Variants in TBC1D32 observed in about 807,000 individuals in gnomAD.
TBC1D32 encodes protein broad-minded.
A neutral mutation model predicts 170.3 loss-of-function variants in TBC1D32; 151 were observed. That is an observed-to-expected ratio of 0.89 (90% CI 0.78 to 1.01). The LOEUF is 1.01. Ranked by LOEUF, TBC1D32 falls within the 50% of genes least tolerant of loss-of-function variation. The pLI is 0.00. For missense variants in TBC1D32, 1,464 were observed against 1,457.1 expected (o/e 1.00, Z -0.08); for synonymous variants, 498 against 488.0 (o/e 1.02, Z -0.27).
chr6:121,226,222 GACTCATA>G (rs2128334217), intron 20 of TBC1D32, among the ~76,000 whole-genome samples: 1 of 152,164 alleles, frequency 6.6e-6, no homozygotes, highest in South Asian at 2.1e-4. Context: ...TGCCCTCAAG[GACTCATA>G]GTATAGTGCA....
intron 25 of TBC1D32, among the ~76,000 whole-genome samples, chr6:121,131,410 C>T (rs561046812): frequency 8.5e-4 from 129 of 151,434 alleles, no homozygotes; most frequent in African/African-American, 2.9e-3. Flanking sequence ...CTCACCAAGA[C>T]TGTTTAGACA....
At chr6:121,315,881 CAT>C (rs1808869764) in intron 3 of TBC1D32, among the ~76,000 whole-genome samples, 1 of 152,124 alleles carries the variant, frequency 6.6e-6, no homozygotes, top group African/African-American at 2.4e-5. Context: ...TTCTGGCACT[CAT>C]ATGTTTCTTC....
intron 24 of TBC1D32, among the ~76,000 whole-genome samples, chr6:121,135,887 C>G (rs1034311916): frequency 6.6e-6 from 1 of 151,938 alleles, no homozygotes; most frequent in Non-Finnish European, 1.5e-5. Flanking sequence ...ATACATCCAC[C>G]CTAACAAAAA....
At chr6:121,213,665 A>AAC (rs1562934723) in intron 21 of TBC1D32, among the ~76,000 whole-genome samples, 1 of 152,142 alleles carries the variant, frequency 6.6e-6, no homozygotes, top group Non-Finnish European at 1.5e-5. Flanking sequence ...AACAAATGGA[A>AAC]ACACATTCGA....
intron 20 of TBC1D32, among the ~76,000 whole-genome samples, chr6:121,231,649 G>C (rs1795754573): frequency 1.3e-5 from 2 of 151,920 alleles, no homozygotes; most frequent in African/African-American, 4.8e-5. Context: ...TTGTGGTTTT[G>C]ATATGGATTT....
chr6:121,180,915 A>T (rs1027613948), intron 22 of TBC1D32, among the ~76,000 whole-genome samples: 6 of 152,306 alleles, frequency 3.9e-5, no homozygotes, highest in African/African-American at 1.2e-4. Context: ...AACCCAATTT[A>T]AAAATGGGCA....
intron 22 of TBC1D32, among the ~76,000 whole-genome samples, chr6:121,161,512 T>A (rs567256868): frequency 7.2e-5 from 11 of 152,234 alleles, no homozygotes; most frequent in Non-Finnish European, 1.2e-4. Context: ...TCCATTCATG[T>A]CCCTGCAAAG....
chr6:121,274,277 G>A (rs748318428), intron 15 of TBC1D32, among the ~76,000 whole-genome samples: 12 of 151,870 alleles, frequency 7.9e-5, no homozygotes, highest in South Asian at 2.1e-4. Flanking sequence ...AGGTTGCAGT[G>A]AGCCAAGATC....
At chr6:121,144,173 G>C (rs751722002) in intron 24 of TBC1D32, among the ~76,000 whole-genome samples, 1 of 152,102 alleles carries the variant, frequency 6.6e-6, no homozygotes, top group African/African-American at 2.4e-5. Context: ...CCAGTATGGT[G>C]GGAAAATAAG....
In TBC1D32 at chr6:121,131,711, C is replaced by G. The variant is rs765820285; in HGVS notation, c.2815G>C (p.Asp939His). ...TTTTCTATCCATTCAGTTTGTTTATCAGATATTTTGAGGCATAATAAAAGC... is the reference window on the plus strand; with the variant it reads ...TTTTCTATCCATTCAGTTTGTTTATGAGATATTTTGAGGCATAATAAAAGC... ...DKLLLCLKIS[D>H]KQTEWIENCQ... Residue 939 changes from aspartate to histidine, a missense_variant, in exon 25 of 32, where the codon GAT becomes CAT. Physicochemically the swap from Asp to His is moderately conservative, Grantham distance 81. This residue lies in a region of TBC1D32 where 1,363 missense variants were observed against 1,338.1 expected (regional missense o/e 1.02). Coordinates refer to ENST00000398212, the MANE Select transcript of TBC1D32 (RefSeq NM_152730.6). 1.2e-6 allele frequency: 2 copies of G among 1,608,318 alleles called. No homozygotes were observed. The highest frequency in any genetic ancestry group is 2.7e-5 in the African/African-American group (2 of 74,748).
intron 20 of TBC1D32, among the ~76,000 whole-genome samples, chr6:121,223,682 A>G (rs1339396496): frequency 6.6e-6 from 1 of 152,128 alleles, no homozygotes; most frequent in East Asian, 1.9e-4. Flanking sequence ...TTTCATATCC[A>G]ATATGTAAGA....
chr6:121,289,342 G>A (rs1257611741), intron 12 of TBC1D32, among the ~76,000 whole-genome samples: 1 of 152,060 alleles, frequency 6.6e-6, no homozygotes, highest in Non-Finnish European at 1.5e-5. Flanking sequence ...AAAATCACAG[G>A]CATTCCTATA....
At chr6:121,080,923 T>C (rs375334933) in intron 31 of TBC1D32, 33 bp from the exon 32 acceptor site, 8 of 1,603,962 alleles carry the variant, frequency 5.0e-6, no homozygotes, top group Middle Eastern at 1.7e-4. Flanking sequence ...AATTATTTAC[T>C]TGAGTAAGAC....
At chr6:121,302,384 G>A (rs539995486) in intron 9 of TBC1D32, among the ~76,000 whole-genome samples, 22 of 152,082 alleles carry the variant, frequency 1.4e-4, no homozygotes, top group Non-Finnish European at 2.5e-4. Context: ...AAAATTATAG[G>A]AGGATGTAAT....
At chr6:121,191,920 C>T (rs201431692) in intron 22 of TBC1D32, among the ~76,000 whole-genome samples, 1 of 151,978 alleles carries the variant, frequency 6.6e-6, no homozygotes, top group Non-Finnish European at 1.5e-5. Flanking sequence ...CATCTTTCTC[C>T]TGTGCTGGAT....
At chr6:121,121,683 T>C in intron 26 of TBC1D32, among the ~76,000 whole-genome samples, 1 of 152,046 alleles carries the variant, frequency 6.6e-6, no homozygotes, top group East Asian at 1.9e-4. Flanking sequence ...AAGACACTAA[T>C]TGACACATTT....
At chr6:121,126,597 C>T (rs926288676) in intron 25 of TBC1D32, 136 bp from the exon 26 acceptor site, 17 of 554,544 alleles carry the variant, frequency 3.1e-5, no homozygotes, top group African/African-American at 1.7e-4. Flanking sequence ...AATTCAAATG[C>T]GTACTGTTTT....
chr6:121,158,609 G>A (rs892436623), intron 24 of TBC1D32, among the ~76,000 whole-genome samples: 3 of 152,228 alleles, frequency 2.0e-5, no homozygotes, highest in African/African-American at 7.2e-5. Context: ...TGGAGTGCTG[G>A]TGTTCCTTTA....
intron 20 of TBC1D32, among the ~76,000 whole-genome samples, chr6:121,233,627 T>C (rs1045311857): frequency 2.0e-5 from 3 of 152,144 alleles, no homozygotes; most frequent in African/African-American, 4.8e-5. Context: ...CTCCTGAAGA[T>C]AGCAGTACCT....
Sources: allele counts gnomAD v4.1 joint callset (sites outside exome capture counted in the v4.1 genomes callset), GRCh38; gene constraint gnomAD v4.1.1; regional missense constraint gnomAD v4.1.1; transcripts MANE v1.5; gene names NCBI Gene and HGNC (gene_info 2026-07-23, HGNC 2026-07-21).